ASB7: variants seen among roughly 807,000 people sequenced by gnomAD.
ASB7 encodes ankyrin repeat and SOCS box protein 7.
ASB7 carries 4 observed loss-of-function variants against 32.5 expected under a neutral mutation model. That is an observed-to-expected ratio of 0.12 (90% CI 0.06 to 0.28). ASB7 has a LOEUF of 0.28. Among genes scored for constraint, ASB7 ranks in the 10% least tolerant of loss-of-function variants. ASB7 has a pLI of 1.00. For missense variants in ASB7, 181 were observed against 407.1 expected, an observed-to-expected ratio of 0.44 and a Z score of 4.78; for synonymous variants, 172 against 155.6, an observed-to-expected ratio of 1.11 and a Z score of -0.78.
At position 100,633,829 on chromosome 15, in the gene ASB7, AG is replaced by A. The variant is rs544781536; in HGVS notation, c.817+3789del. Among the ~76,000 whole-genome samples, 3 of 152,268 alleles carry A rather than the reference AG, an allele frequency of 2.0e-5. No individual in the cohort carries two copies. In the East Asian group the frequency reaches 5.8e-4, roughly 29 times the overall value. On this transcript the variant is annotated intron_variant, in intron 5 of 5. Coordinates refer to ENST00000332783, the MANE Select transcript of ASB7 (RefSeq NM_198243.3). Reference sequence around the variant, plus strand: ...AAGTGGCCAGGGCACAAAACTTAGGAGGCCCTCATTCTCAGGCTCGTGCACA... The same window carrying A: ...AAGTGGCCAGGGCACAAAACTTAGGAGCCCTCATTCTCAGGCTCGTGCACA...
chr15:100,643,363 A>G (rs1199990871), intron 5 of ASB7, among the ~76,000 whole-genome samples: 1 of 152,068 alleles, frequency 6.6e-6, no homozygotes, highest in Non-Finnish European at 1.5e-5. Flanking sequence ...TCACTGTGGA[A>G]AGGCATGAGA....
At chr15:100,647,345 G>T (rs953382302) in intron 5 of ASB7, among the ~76,000 whole-genome samples, 1 of 152,162 alleles carries the variant, frequency 6.6e-6, no homozygotes, top group African/African-American at 2.4e-5. Context: ...TACTTCCCTC[G>T]TAAAAGGATG....
Position 100,624,900 on chromosome 15 carries a change from G to A in ASB7, c.212-4537G>A, listed in dbSNP as rs577698679. On this transcript the variant is annotated intron_variant, in intron 4 of 5. Transcript: ENST00000332783. ...ATATTGGCAAATCCAGTCTATTGGTGTATAAAAAAAAATATTATGCCCAAG... is the reference window on the plus strand; with the variant it reads ...ATATTGGCAAATCCAGTCTATTGGTATATAAAAAAAAATATTATGCCCAAG... Among the ~76,000 whole-genome samples the A allele has an allele frequency of 1.4e-3, 149 of 105,108 alleles. 2 individuals carry two copies. In the East Asian group the frequency reaches 0.022, roughly 15 times the overall value. 69.0% of individuals were successfully genotyped at this position (105,108 alleles called of 152,430 possible).
intron 5 of ASB7, among the ~76,000 whole-genome samples, chr15:100,642,990 T>C (rs1443359954): frequency 6.6e-6 from 1 of 152,174 alleles, no homozygotes; most frequent in Non-Finnish European, 1.5e-5. Context: ...GAGCTGAGAT[T>C]GTGCCACTGC....
At chr15:100,627,580 A>C (rs1446184983) in intron 4 of ASB7, among the ~76,000 whole-genome samples, 1 of 152,228 alleles carries the variant, frequency 6.6e-6, no homozygotes, top group Non-Finnish European at 1.5e-5. Context: ...TCCTTAGCTC[A>C]GTGTAGCTTC....
At chr15:100,611,497 T>TTTTTTTTTTTTA (rs2039695381) in intron 3 of ASB7, among the ~76,000 whole-genome samples, 4 of 141,536 alleles carry the variant, frequency 2.8e-5, no homozygotes, top group South Asian at 2.3e-4. Context: ...TTTTTTTTTT[T>TTTTTTTTTTTTA]GAGACAGAAT....
intron 4 of ASB7, among the ~76,000 whole-genome samples, chr15:100,626,120 A>G (rs2039834504): frequency 6.6e-6 from 1 of 152,222 alleles, no homozygotes; most frequent in Non-Finnish European, 1.5e-5. Flanking sequence ...ACAAAACTAC[A>G]AACTGTAAAA....
In ASB7 at chr15:100,629,537, A is replaced by C; in HGVS notation, c.312A>C (p.Glu104Asp). The stretch of plus-strand genomic sequence containing the variant: ...TTGCACGCTTGATGTTAGAATCTGA[A>C]TACAGGAGCGACATCATTAATGCAA... ...ARIARLMLES[E>D]YRSDIINAKS... The change falls in exon 5 of 6, where the codon GAA becomes GAC. Residue 104 changes from glutamate to aspartate, a missense_variant. Coordinates refer to ENST00000332783, the MANE Select transcript of ASB7 (RefSeq NM_198243.3). The surrounding 1 kb of genome is among the most constrained non-coding windows in gnomAD (Gnocchi z 6.8). 2 of 1,614,204 alleles carry C rather than the reference A, an allele frequency of 1.2e-6. No individual in the cohort carries two copies. The highest frequency in any genetic ancestry group is 1.1e-5 in the South Asian group (1 of 91,088).
At position 100,650,748 on chromosome 15, in the gene ASB7, G is replaced by A. The variant is rs1206690432; in HGVS notation, c.*2286G>A. 4 of 152,166 alleles carry A rather than the reference G, an allele frequency of 2.6e-5. No individual in the cohort carries two copies. Among genetic ancestry groups the A allele is most frequent in the African/African-American group, 9.7e-5 (4 of 41,442 alleles). 9.4% of individuals were successfully genotyped at this position (152,166 alleles called of 1,614,324 possible). On this transcript the variant is annotated 3_prime_UTR_variant, in exon 6 of 6. Transcript: ENST00000332783. ...TGAAATTTCTATTTAATGAAGAAGT[G>A]TATAATTCCATTATTTATTGTTTGA...
At chr15:100,618,124 T>G (rs576302046) in intron 4 of ASB7, among the ~76,000 whole-genome samples, 1 of 152,098 alleles carries the variant, frequency 6.6e-6, no homozygotes, top group African/African-American at 2.4e-5. Context: ...TTTTATTTAT[T>G]TATTTATTTT....
chr15:100,636,158 C>T lies in ASB7; in HGVS notation c.817+6116C>T, dbSNP rs113157442. Among the ~76,000 whole-genome samples the T allele has an allele frequency of 3.7e-4, 56 of 152,304 alleles. No homozygotes were observed. In the South Asian group the frequency reaches 8.5e-3, roughly 23 times the overall value. On this transcript the variant is annotated intron_variant, in intron 5 of 5. Coordinates refer to ENST00000332783, the MANE Select transcript of ASB7 (RefSeq NM_198243.3). ...TACCAGTTTATGGCTTCAGTGACTA[C>T]GGCTCCAGGTACACAGATCTCAGCC...
intron 5 of ASB7, among the ~76,000 whole-genome samples, chr15:100,637,892 A>T (rs536626598): frequency 9.2e-5 from 14 of 151,872 alleles, no homozygotes; most frequent in African/African-American, 3.4e-4. Context: ...ATTAAAAGGG[A>T]TTTACAGAAA....
At chr15:100,604,332 A>G (rs1425401562) in intron 2 of ASB7, among the ~76,000 whole-genome samples, 1 of 152,230 alleles carries the variant, frequency 6.6e-6, no homozygotes, top group East Asian at 1.9e-4. Flanking sequence ...TGGAAATTAT[A>G]CAAGGTTTAA....
chr15:100,628,154 T>C (rs886492167), intron 4 of ASB7, among the ~76,000 whole-genome samples: 40 of 152,254 alleles, frequency 2.6e-4, no homozygotes, highest in African/African-American at 8.0e-4. Context: ...ACTGACACTT[T>C]ACAGTAAATG....
chr15:100,630,073 T>C, intron 5 of ASB7, 31 bp downstream of exon 5: 2 of 1,506,960 alleles, frequency 1.3e-6, no homozygotes, highest in Non-Finnish European at 8.9e-7. Context: ...TTTATTGCAT[T>C]TTTTAAAAAT....
intron 2 of ASB7, among the ~76,000 whole-genome samples, chr15:100,604,486 A>T (rs963179530): frequency 2.0e-5 from 3 of 152,168 alleles, no homozygotes; most frequent in Non-Finnish European, 4.4e-5. Context: ...AGAAGTTAAT[A>T]TTTTTGATTT....
rs58705118 is a variant in ASB7, at chr15:100,614,742, C to CAAA, written c.211+2332_211+2334dup. On this transcript the variant is annotated intron_variant, in intron 4 of 5. Coordinates refer to ENST00000332783, the MANE Select transcript of ASB7 (RefSeq NM_198243.3). ...CTAACACTTAACAACAGCTGATGAGCAAAAAAAAAAAAAAAAAAAGCAAAA... is the reference window on the plus strand; with the variant it reads ...CTAACACTTAACAACAGCTGATGAGCAAAAAAAAAAAAAAAAAAAAAAGCAAAA... Among the ~76,000 whole-genome samples, 110 of 57,144 alleles carry CAAA rather than the reference C, an allele frequency of 1.9e-3. 1 individual carries two copies. The highest frequency in any genetic ancestry group is 4.8e-3 in the Admixed American group (30 of 6,268). The allele number at this position is 57,144 out of a possible 152,430, so 37.5% of individuals were successfully genotyped here.
At chr15:100,632,526 T>C (rs2039891605) in intron 5 of ASB7, among the ~76,000 whole-genome samples, 1 of 152,172 alleles carries the variant, frequency 6.6e-6, no homozygotes, top group African/African-American at 2.4e-5. Context: ...CTGAGCTTTC[T>C]CATGAAAAGC....
At chr15:100,639,962 A>G (rs528890755) in intron 5 of ASB7, among the ~76,000 whole-genome samples, 80 of 152,310 alleles carry the variant, frequency 5.3e-4, no homozygotes, top group African/African-American at 1.8e-3. Context: ...CATAAGCCTG[A>G]TGTTGTATAC....
Sources: gnomAD v4.1 joint callset for allele counts (sites outside exome capture counted in the v4.1 genomes callset) on GRCh38, gnomAD v4.1.1 for gene constraint, Gnocchi (gnomAD v3.1) non-coding constraint, MANE v1.5 for transcripts, NCBI Gene and HGNC (gene_info 2026-07-23, HGNC 2026-07-21) for gene names.